The following EXD1 variants were observed in gnomAD, a reference collection of about 807,000 sequenced individuals.
The protein encoded by EXD1 is piRNA biogenesis protein EXD1.
A neutral mutation model predicts 49.1 loss-of-function variants in EXD1; 63 were observed. The observed-to-expected ratio is 1.28, with a 90% CI of 1.05 to 1.58. The LOEUF (loss-of-function observed/expected upper bound fraction) is 1.58. Ranked by LOEUF, EXD1 falls within the 40% of genes most tolerant of loss-of-function variation. EXD1 has a pLI of 0.00. For missense variants in EXD1, 748 were observed against 666.0 expected, an observed-to-expected ratio of 1.12 and a Z score of -1.36; for synonymous variants, 234 against 239.2, an observed-to-expected ratio of 0.98 and a Z score of 0.20.
intron 7 of EXD1, among the ~76,000 whole-genome samples, chr15:41,196,801 A>C (rs2046621383): frequency 6.6e-6 from 1 of 151,852 alleles, no homozygotes; most frequent in South Asian, 2.1e-4. Flanking sequence ...TCCTGACCTC[A>C]AATGATCCAC....
Position 41,226,553 on chromosome 15 carries a change from TG to T in EXD1, c.22del (p.His8IlefsTer11). 2 of 1,536,024 alleles carry T rather than the reference TG, an allele frequency of 1.3e-6. No individual in the cohort carries two copies. Among genetic ancestry groups the T allele is most frequent in the Non-Finnish European group, 8.7e-7 (1 of 1,146,874 alleles). ...CTTCCACAAAATCTGGCTGAGGAAATGGTAGTCACTGCTGGGGTCCATGCTA... is the reference window on the plus strand; with the variant it reads ...CTTCCACAAAATCTGGCTGAGGAAATGTAGTCACTGCTGGGGTCCATGCTA... MDPSSDY[H>X]FLSQILWKRV... On this transcript the variant is annotated frameshift_variant, in exon 2 of 12. Transcript: ENST00000458580. LOFTEE classifies it high-confidence loss of function.
intron 1 of EXD1, among the ~76,000 whole-genome samples, 165 bp from the exon 2 acceptor site, chr15:41,226,793 C>T (rs969648489): frequency 2.0e-5 from 3 of 152,174 alleles, no homozygotes; most frequent in Non-Finnish European, 2.9e-5. Flanking sequence ...CACCAACTCT[C>T]ATACATAGGA....
chr15:41,230,331 C>G, intron 1 of EXD1, 148 bp downstream of exon 1: 1 of 727,428 alleles, frequency 1.4e-6, no homozygotes. Context: ...GTTCTGCCCA[C>G]CTCGGCCTCC....
In EXD1 at chr15:41,194,364, G is replaced by A. The variant is rs575664123; in HGVS notation, c.720+1411C>T. ...AGACGGAGATTTTACTACAGTCAGA[G>A]GAGAAGGTGATGTGATGATGGAAGC... On this transcript the variant is annotated intron_variant, in intron 9 of 11. Coordinates refer to ENST00000458580, the MANE Select transcript of EXD1 (RefSeq NM_001286441.2). Among the ~76,000 whole-genome samples the A allele has an allele frequency of 5.3e-5, 8 of 152,196 alleles. No homozygotes were observed. The South Asian group carries it at 1.7e-3, about 32-fold the overall frequency.
chr15:41,191,169 G>A lies in EXD1; in HGVS notation c.864+273C>T, dbSNP rs539813960. Among the ~76,000 whole-genome samples, 6 of 152,054 alleles carry A rather than the reference G, an allele frequency of 3.9e-5. No homozygotes were observed. The East Asian group carries it at 9.7e-4, about 24-fold the overall frequency. Reference sequence around the variant, plus strand: ...TTGAACTCCTGACCTCAGGTGATCCGCCCGCCTCAGCCTCCCAAAGTGTTG... The same window carrying A: ...TTGAACTCCTGACCTCAGGTGATCCACCCGCCTCAGCCTCCCAAAGTGTTG... On this transcript the variant is annotated intron_variant, in intron 10 of 11. Coordinates refer to ENST00000458580, the MANE Select transcript of EXD1 (RefSeq NM_001286441.2).
chr15:41,229,304 C>T (rs1341850255), intron 1 of EXD1, among the ~76,000 whole-genome samples: 1 of 152,034 alleles, frequency 6.6e-6, no homozygotes, highest in Non-Finnish European at 1.5e-5. Flanking sequence ...ATGGTGAAAC[C>T]CTGTCTCTAC....
rs1367402479 is a variant in EXD1, at chr15:41,183,237, C to G, written c.*694G>C. 6.6e-6 allele frequency: 1 copy of G among 152,232 alleles called. No individual in the cohort carries two copies. Among genetic ancestry groups the G allele is most frequent in the Non-Finnish European group, 1.5e-5 (1 of 68,086 alleles). 9.4% of individuals were successfully genotyped at this position (152,232 alleles called of 1,614,324 possible). The stretch of plus-strand genomic sequence containing the variant: ...CCCGGGAGGCGGAGGTTGCAGTGAG[C>G]AGAGATTACACCACTACACTCCAGC... On this transcript the variant is annotated 3_prime_UTR_variant, in exon 12 of 12. Transcript: ENST00000458580.
In EXD1 at chr15:41,192,594, A is replaced by ATTTTTTTTTTTTTTTTTTTTTTT. The variant is rs59054803; in HGVS notation, c.721-1032_721-1010dup. On this transcript the variant is annotated intron_variant, in intron 9 of 11. Coordinates refer to ENST00000458580, the MANE Select transcript of EXD1 (RefSeq NM_001286441.2). ...ACAGGCGTGAACCACTGCGCCAGGC[A>ATTTTTTTTTTTTTTTTTTTTTTT]TTTTTTTTTTTTTTTTTTTTTTTTT... 2.9e-4 allele frequency among the ~76,000 whole-genome samples: 12 copies of ATTTTTTTTTTTTTTTTTTTTTTT among 40,838 alleles called. 5 individuals are homozygous for ATTTTTTTTTTTTTTTTTTTTTTT. Among genetic ancestry groups the ATTTTTTTTTTTTTTTTTTTTTTT allele is most frequent in the African/African-American group, 3.7e-4 (5 of 13,458 alleles). The allele number at this position is 40,838 out of a possible 152,430, so 26.8% of individuals were successfully genotyped here. A position where few individuals can be genotyped will look rare whatever the true frequency, so the allele number is the denominator to read the frequency against.
chr15:41,189,800 G>T, intron 11 of EXD1, 137 bp downstream of exon 11: 1 of 745,862 alleles, frequency 1.3e-6, no homozygotes, highest in African/African-American at 1.7e-5. Flanking sequence ...TCATGCCCAA[G>T]CTGTTGCCCC....
chr15:41,213,035 C>T (rs1168382438), intron 6 of EXD1, among the ~76,000 whole-genome samples: 5 of 150,754 alleles, frequency 3.3e-5, no homozygotes, highest in South Asian at 4.2e-4. Flanking sequence ...AGCAAGACCC[C>T]GTCTCAAAAA....
chr15:41,190,503 A>T (rs1397371617), intron 10 of EXD1: 2 of 286,286 alleles, frequency 7.0e-6, no homozygotes, highest in Non-Finnish European at 1.4e-5. Context: ...AAAAGAAAAG[A>T]AAAGAACTGT....
chr15:41,223,628 G>A (rs1482301328), intron 2 of EXD1, among the ~76,000 whole-genome samples: 7 of 151,918 alleles, frequency 4.6e-5, no homozygotes, highest in Non-Finnish European at 7.4e-5. Flanking sequence ...TTGGGAGGCC[G>A]AGGCAGGAGG....
intron 7 of EXD1, among the ~76,000 whole-genome samples, chr15:41,199,722 T>TGATATATCTCA: frequency 1.1e-5 from 1 of 94,636 alleles, no homozygotes; most frequent in Non-Finnish European, 1.9e-5. Flanking sequence ...ATATGATATA[T>TGATATATCTCA]TATATATGAT....
At chr15:41,222,270 G>T (rs1217610222) in intron 2 of EXD1, among the ~76,000 whole-genome samples, 1 of 152,128 alleles carries the variant, frequency 6.6e-6, no homozygotes, top group Non-Finnish European at 1.5e-5. Flanking sequence ...ACAAAAATTA[G>T]CTGGGTGCGG....
intron 11 of EXD1, among the ~76,000 whole-genome samples, chr15:41,187,943 A>T (rs1041456800): frequency 7.2e-6 from 1 of 139,820 alleles, no homozygotes; most frequent in Admixed American, 8.0e-5. Flanking sequence ...TGAACCCAGG[A>T]GGTGGAGTTT....
intron 11 of EXD1, among the ~76,000 whole-genome samples, chr15:41,188,682 G>A (rs553305742): frequency 1.8e-4 from 27 of 151,764 alleles, no homozygotes; most frequent in African/African-American, 6.3e-4. Context: ...ATGAGCCACC[G>A]TACCTGGCCC....
At chr15:41,220,545 A>C (rs1271907065) in intron 2 of EXD1, among the ~76,000 whole-genome samples, 8 of 152,138 alleles carry the variant, frequency 5.3e-5, no homozygotes, top group Non-Finnish European at 1.0e-4. Flanking sequence ...GGTGTGAGCC[A>C]CCGCACCCGG....
At chr15:41,220,950 C>G (rs2047079210) in intron 2 of EXD1, among the ~76,000 whole-genome samples, 1 of 152,088 alleles carries the variant, frequency 6.6e-6, no homozygotes, top group Non-Finnish European at 1.5e-5. Flanking sequence ...TCAAGTGATC[C>G]TCCCACCTCA....
chr15:41,193,563 A>AC (rs2046564848), intron 9 of EXD1, among the ~76,000 whole-genome samples: 2 of 151,774 alleles, frequency 1.3e-5, no homozygotes, highest in African/African-American at 4.8e-5. Context: ...ATATAGAGAG[A>AC]CCCCATATCT....
Sources: allele counts gnomAD v4.1 joint callset (sites outside exome capture counted in the v4.1 genomes callset), GRCh38; gene constraint gnomAD v4.1.1; transcripts MANE v1.5; gene names NCBI Gene and HGNC (gene_info 2026-07-23, HGNC 2026-07-21).